CCSER1: variants seen among roughly 807,000 people sequenced by gnomAD.
CCSER1 encodes the protein coiled-coil serine rich protein 1.
CCSER1 carries 41 observed loss-of-function variants against 82.0 expected under a neutral mutation model. That is an observed-to-expected ratio of 0.50 (90% confidence interval 0.39 to 0.65). The LOEUF (loss-of-function observed/expected upper bound fraction) is 0.65. Ranked by LOEUF, CCSER1 falls within the 30% of genes least tolerant of loss-of-function variation. CCSER1 has a pLI of 0.00. For synonymous variants in CCSER1, 414 were observed against 383.9 expected, an observed-to-expected ratio of 1.08 and a Z score of -0.92; for missense variants, 1,119 against 1,064.2, an observed-to-expected ratio of 1.05 and a Z score of -0.72.
At chr4:91,392,211 T>C (rs1751693886) in intron 10 of CCSER1, among the ~76,000 whole-genome samples, 1 of 151,932 alleles carries the variant, frequency 6.6e-6, no homozygotes, top group African/African-American at 2.4e-5. Context: ...TCTTGAAAAA[T>C]ATAAATTTAG....
chr4:90,852,499 G>T (rs1302587130), intron 8 of CCSER1, among the ~76,000 whole-genome samples: 3 of 152,234 alleles, frequency 2.0e-5, no homozygotes, highest in Non-Finnish European at 4.4e-5. Context: ...AGATACTGCA[G>T]AAGCTGCTCA....
In CCSER1 at chr4:90,807,909, T is replaced by C. The variant is rs1438768368; in HGVS notation, c.2011-7853T>C. 3.3e-5 allele frequency among the ~76,000 whole-genome samples: 5 copies of C among 152,234 alleles called. No homozygotes were observed. In the South Asian group the frequency reaches 6.2e-4, roughly 19 times the overall value. The stretch of plus-strand genomic sequence containing the variant: ...TAGGAAAAAAAAATTTTAAAACTTA[T>C]GTGGAACCAAAAAAGAGTGCTAATA... On this transcript the variant is annotated intron_variant, in intron 7 of 10. Coordinates refer to ENST00000509176, the MANE Select transcript of CCSER1 (RefSeq NM_001145065.2).
chr4:90,481,957 T>C (rs1228858100), intron 5 of CCSER1, among the ~76,000 whole-genome samples: 1 of 152,220 alleles, frequency 6.6e-6, no homozygotes, highest in Non-Finnish European at 1.5e-5. Context: ...TACCAGCTGC[T>C]CCTTGTACCT....
intron 1 of CCSER1, among the ~76,000 whole-genome samples, chr4:90,143,973 A>T (rs1725320496): frequency 6.6e-6 from 1 of 152,184 alleles, no homozygotes; most frequent in Non-Finnish European, 1.5e-5. Context: ...TACAGGCATG[A>T]GCCACCAATC....
chr4:91,199,926 A>G (rs1160136211), intron 10 of CCSER1, among the ~76,000 whole-genome samples: 1 of 152,056 alleles, frequency 6.6e-6, no homozygotes, highest in Non-Finnish European at 1.5e-5. Context: ...AAGCTGCTAC[A>G]TAATAAGGTA....
intron 1 of CCSER1, among the ~76,000 whole-genome samples, chr4:90,214,523 G>T (rs1436290335): frequency 6.6e-6 from 1 of 150,496 alleles, no homozygotes; most frequent in Non-Finnish European, 1.5e-5. Context: ...TGAATTAACT[G>T]TGAATTTCTC....
chr4:90,811,022 C>T lies in CCSER1; in HGVS notation c.2011-4740C>T, dbSNP rs143116743. Among the ~76,000 whole-genome samples, 212 of 151,596 alleles carry T rather than the reference C, an allele frequency of 1.4e-3. 2 individuals carry two copies. The East Asian group carries it at 0.021, about 15-fold the overall frequency. On this transcript the variant is annotated intron_variant, in intron 7 of 10. Coordinates refer to ENST00000509176, the MANE Select transcript of CCSER1 (RefSeq NM_001145065.2). ...TAATTTTTTGTATTTTTAGTAGAGA[C>T]GGGGTTTCATTGTGTTAGCCAGGAT...
chr4:91,035,068 T>C (rs575078548), intron 9 of CCSER1, among the ~76,000 whole-genome samples: 27 of 152,248 alleles, frequency 1.8e-4, no homozygotes, highest in African/African-American at 6.5e-4. Context: ...AATATCAAGG[T>C]ATACTAACAT....
At chr4:90,562,323 A>G (rs1329775486) in intron 5 of CCSER1, among the ~76,000 whole-genome samples, 1 of 152,032 alleles carries the variant, frequency 6.6e-6, no homozygotes, top group African/African-American at 2.4e-5. Context: ...GACACATTCT[A>G]TATTTGTCAC....
At chr4:91,465,990 C>T (rs1418097851) in intron 10 of CCSER1, among the ~76,000 whole-genome samples, 1 of 152,146 alleles carries the variant, frequency 6.6e-6, no homozygotes, top group Non-Finnish European at 1.5e-5. Context: ...GGGATCCTCC[C>T]TAACTCATTT....
In CCSER1 at chr4:90,838,800, G is replaced by C. The variant is rs1467964215; in HGVS notation, c.2094+22955G>C. 6.9e-6 allele frequency: 10 copies of C among 1,456,540 alleles called. No homozygotes were observed. In the African/African-American group the frequency reaches 1.1e-4, roughly 16 times the overall value. 90.2% of individuals were successfully genotyped at this position (1,456,540 alleles called of 1,614,324 possible). ...AGGGGCAGCACAGTCATTTAAACTT[G>C]ATCCAACCTCTTTGCATCTTACAAA... On this transcript the variant is annotated intron_variant, in intron 8 of 10. Coordinates refer to ENST00000509176, the MANE Select transcript of CCSER1 (RefSeq NM_001145065.2).
intron 5 of CCSER1, among the ~76,000 whole-genome samples, chr4:90,592,886 C>T (rs1406234620): frequency 4.6e-5 from 7 of 152,116 alleles, no homozygotes; most frequent in Middle Eastern, 6.3e-3. Context: ...TAACTCAGTA[C>T]ACTTGAGAAA....
intron 10 of CCSER1, among the ~76,000 whole-genome samples, chr4:91,114,269 A>T (rs1418273992): frequency 6.6e-6 from 1 of 152,098 alleles, no homozygotes; most frequent in African/African-American, 2.4e-5. Context: ...GTCAAGAAAC[A>T]TCATAATACT....
chr4:91,202,006 G>A (rs1423203078), intron 10 of CCSER1, among the ~76,000 whole-genome samples: 22 of 151,962 alleles, frequency 1.4e-4, no homozygotes, highest in Admixed American at 1.3e-3. Context: ...ACTTCATTTG[G>A]TTCATCAGGA....
chr4:91,363,090 T>C (rs1470504606), intron 10 of CCSER1, among the ~76,000 whole-genome samples: 1 of 151,634 alleles, frequency 6.6e-6, no homozygotes, highest in East Asian at 1.9e-4. Context: ...CAAGAAACTC[T>C]CTTACAAATT....
chr4:91,447,728 TG>T (rs755680434), intron 10 of CCSER1, among the ~76,000 whole-genome samples: 1 of 152,142 alleles, frequency 6.6e-6, no homozygotes, highest in Non-Finnish European at 1.5e-5. Context: ...GCCCCATTTT[TG>T]TTTAATTTTT....
chr4:90,833,477 A>G (rs1761393130), intron 8 of CCSER1, among the ~76,000 whole-genome samples: 1 of 152,152 alleles, frequency 6.6e-6, no homozygotes. Flanking sequence ...GAGCCTACAG[A>G]TGGCCATCTT....
intron 10 of CCSER1, among the ~76,000 whole-genome samples, chr4:91,579,180 T>A (rs1006689211): frequency 1.3e-5 from 2 of 151,618 alleles, no homozygotes; most frequent in Non-Finnish European, 2.9e-5. Flanking sequence ...ATGGATAGCT[T>A]TCTATTAGGG....
chr4:91,001,372 T>TTATCATTG (rs1307514669), intron 9 of CCSER1, among the ~76,000 whole-genome samples: 2 of 152,160 alleles, frequency 1.3e-5, no homozygotes, highest in Non-Finnish European at 2.9e-5. Flanking sequence ...TAGTTTTCTT[T>TTATCATTG]TATCATTGTA....
Sources: gnomAD v4.1 joint callset for allele counts (sites outside exome capture counted in the v4.1 genomes callset) on GRCh38, gnomAD v4.1.1 for gene constraint, MANE v1.5 for transcripts, NCBI Gene and HGNC (gene_info 2026-07-23, HGNC 2026-07-21) for gene names.